DRD2: variants seen among roughly 807,000 people sequenced by gnomAD.
DRD2 encodes the protein dopamine receptor D2.
A neutral mutation model predicts 38.0 loss-of-function variants in DRD2; 8 were observed. That is an observed-to-expected ratio of 0.21 (90% confidence interval 0.12 to 0.38). The LOEUF is 0.38. Ranked by LOEUF, DRD2 falls within the 10% of genes least tolerant of loss-of-function variation. The pLI, the probability that DRD2 is intolerant of heterozygous loss-of-function variation, is 1.00. For missense variants in DRD2, 403 were observed against 607.7 expected (o/e 0.66, Z 3.54); for synonymous variants, 230 against 238.6 (o/e 0.96, Z 0.33).
chr11:113,422,827 A>C (rs1450256166), intron 2 of DRD2, among the ~76,000 whole-genome samples: 1 of 152,068 alleles, frequency 6.6e-6, no homozygotes, highest in Non-Finnish European at 1.5e-5. Flanking sequence ...TCCTCACCTG[A>C]GCGTCCTCAT....
chr11:113,457,355 C>A (rs993690273), intron 1 of DRD2, among the ~76,000 whole-genome samples: 4 of 152,192 alleles, frequency 2.6e-5, no homozygotes, highest in African/African-American at 7.2e-5. Flanking sequence ...AAGGGGAGAT[C>A]TCAGCAATAC....
chr11:113,422,070 G>A (rs557851753), intron 2 of DRD2, among the ~76,000 whole-genome samples: 39 of 152,278 alleles, frequency 2.6e-4, no homozygotes, highest in South Asian at 6.2e-4. Flanking sequence ...GGGACAGGGG[G>A]TCTGGAAGCT....
At chr11:113,414,308 A>C in intron 6 of DRD2, 67 bp downstream of exon 6, 1 of 1,489,794 alleles carries the variant, frequency 6.7e-7, no homozygotes, top group Middle Eastern at 1.7e-4. Context: ...AGGTCTCAGA[A>C]CCATGGCCAG....
At chr11:113,421,302 G>C (rs1950881904) in intron 2 of DRD2, among the ~76,000 whole-genome samples, 1 of 152,142 alleles carries the variant, frequency 6.6e-6, no homozygotes, top group Non-Finnish European at 1.5e-5. Context: ...TGCACTGTAG[G>C]GGCCCTGTCA....
intron 2 of DRD2, among the ~76,000 whole-genome samples, chr11:113,419,691 C>G (rs1409607418): frequency 6.6e-6 from 1 of 152,170 alleles, no homozygotes; most frequent in Admixed American, 6.5e-5. Flanking sequence ...CTCCCGCAAC[C>G]CGGAGTAGGG....
chr11:113,432,952 T>C (rs7103679), intron 1 of DRD2, among the ~76,000 whole-genome samples: 127,302 of 152,222 alleles, frequency 0.84, 53,642 homozygotes, highest in Middle Eastern at 0.93. Flanking sequence ...CCTCAGCAGA[T>C]GGCAGAGGAA....
chr11:113,460,568 C>T (rs1951308249), intron 1 of DRD2, among the ~76,000 whole-genome samples: 1 of 152,268 alleles, frequency 6.6e-6, no homozygotes, highest in African/African-American at 2.4e-5. Context: ...TGCCCTGGCC[C>T]CTCCTTGCTG....
rs769423200 is a variant in DRD2, at chr11:113,412,741, G to A, written c.953C>T (p.Thr318Ile). ...PDPSHHGLHSTPDSPAKPEKN... is the reference protein window; with the variant it reads ...PDPSHHGLHSIPDSPAKPEKN... ...CTCTGGTTTGGCGGGGCTGTCGGGA[G>A]TGCTGTGGAGACCATGGTGGGACGG... The change falls in exon 7 of 8, where the codon ACT becomes ATT. Residue 318 changes from threonine (T) to isoleucine (I), a missense_variant. By Grantham distance (89) the Thr-to-Ile change is moderately conservative. This residue lies in a region of DRD2 where 166 missense variants were observed against 178.6 expected (regional missense o/e 0.93). Transcript: ENST00000362072. The A allele has an allele frequency of 5.0e-6, 8 of 1,614,074 alleles. No homozygotes were observed. The highest frequency in any genetic ancestry group is 5.9e-6 in the Non-Finnish European group (7 of 1,179,940).
intron 1 of DRD2, among the ~76,000 whole-genome samples, chr11:113,438,733 C>T (rs1951060969): frequency 6.6e-6 from 1 of 152,208 alleles, no homozygotes; most frequent in Non-Finnish European, 1.5e-5. Context: ...CCTACCTGGC[C>T]TGTAACCTTC....
At chr11:113,445,313 T>C (rs548013804) in intron 1 of DRD2, among the ~76,000 whole-genome samples, 7 of 152,362 alleles carry the variant, frequency 4.6e-5, no homozygotes, top group African/African-American at 1.7e-4. Flanking sequence ...GTTATTTTCT[T>C]AGTTTTGATC....
intron 1 of DRD2, among the ~76,000 whole-genome samples, chr11:113,467,407 T>A (rs1355213758): frequency 6.6e-6 from 1 of 152,166 alleles, no homozygotes; most frequent in African/African-American, 2.4e-5. Flanking sequence ...GTTTCCATCC[T>A]CCTTTCTCAG....
intron 1 of DRD2, among the ~76,000 whole-genome samples, chr11:113,473,253 G>A (rs978711271): frequency 2.6e-5 from 4 of 152,076 alleles, no homozygotes; most frequent in African/African-American, 9.7e-5. Flanking sequence ...AATGTATACA[G>A]ACTCTCTAAG....
intron 1 of DRD2, among the ~76,000 whole-genome samples, chr11:113,449,538 G>A (rs1244291749): frequency 6.6e-6 from 1 of 152,118 alleles, no homozygotes; most frequent in East Asian, 1.9e-4. Context: ...GGCAGGCTTG[G>A]AAAAGCATAA....
intron 3 of DRD2, 117 bp from the exon 4 acceptor site, chr11:113,417,116 TGAA>T: frequency 7.0e-7 from 1 of 1,429,740 alleles, no homozygotes; most frequent in Non-Finnish European, 9.4e-7. Flanking sequence ...CACACCTCTA[TGAA>T]GCTTGCCTGA....
At chr11:113,446,059 T>C (rs1296904167) in intron 1 of DRD2, among the ~76,000 whole-genome samples, 4 of 152,188 alleles carry the variant, frequency 2.6e-5, no homozygotes, top group Non-Finnish European at 5.9e-5. Context: ...GACCTGCAAT[T>C]GTCCCCTTGC....
rs760750493 is a variant in DRD2 at position 113,416,978 on chromosome 11, G to A, written c.417C>T (p.Pro139=). 2.5e-6 allele frequency: 4 copies of A among 1,614,084 alleles called. No individual in the cohort carries two copies. Among genetic ancestry groups the A allele is most frequent in the Middle Eastern group, 1.6e-4 (1 of 6,062 alleles). The part of the protein sequence containing the change: ...SIDRYTAVAM[P]MLYNTRYSSK... Reference sequence around the variant, plus strand: ...AGCTGTAGCGCGTATTGTACAGCATGGGCATGGCCACAGCTGTGTACCTGC... The same window carrying A: ...AGCTGTAGCGCGTATTGTACAGCATAGGCATGGCCACAGCTGTGTACCTGC... The change falls in exon 4 of 8, where the codon CCC becomes CCT. Residue 139 remains proline (P), a synonymous_variant. Transcript: ENST00000362072.
intron 1 of DRD2, among the ~76,000 whole-genome samples, chr11:113,459,188 A>C (rs1951293685): frequency 6.6e-6 from 1 of 152,242 alleles, no homozygotes. Flanking sequence ...AAGCTGATGC[A>C]TATAAGGAAG....
chr11:113,424,672 G>T lies in DRD2; in HGVS notation c.-21C>A, dbSNP rs745914515. The T allele has an allele frequency of 1.9e-6, 3 of 1,613,762 alleles. No individual in the cohort carries two copies. The Admixed American group carries it at 5.0e-5, about 27-fold the overall frequency. On this transcript the variant is annotated 5_prime_UTR_variant, in exon 2 of 8. Coordinates refer to ENST00000362072, the MANE Select transcript of DRD2 (RefSeq NM_000795.4). ...TCCATCAGGGCGGTGGAGCCACTGG[G>T]TGGCCAGGCTCTGGCCAGGAAAAAT...
chr11:113,415,295 G>A lies in DRD2; in HGVS notation c.723+126C>T, dbSNP rs549341605. ...AAAATCTGCCCTTGCCCGGCTCCTG[G>A]GAATTCCTTTAGCCTAGACCTAACC... is the stretch of plus-strand genomic sequence containing the variant. On this transcript the variant is annotated intron_variant, in intron 5 of 7. Transcript: ENST00000362072. 1.4e-5 allele frequency: 18 copies of A among 1,258,946 alleles called. No homozygotes were observed. The South Asian group carries it at 2.6e-4, about 18-fold the overall frequency. 78.0% of individuals were successfully genotyped at this position (1,258,946 alleles called of 1,614,324 possible).
Sources: allele counts gnomAD v4.1 joint callset (sites outside exome capture counted in the v4.1 genomes callset), GRCh38; gene constraint gnomAD v4.1.1; regional missense constraint gnomAD v4.1.1; transcripts MANE v1.5; gene names NCBI Gene and HGNC (gene_info 2026-07-23, HGNC 2026-07-21).